Variants in ELMO1 observed in about 807,000 individuals in gnomAD.
ELMO1 encodes engulfment and cell motility protein 1.
ELMO1 carries 26 observed loss-of-function variants against 98.9 expected under a neutral mutation model. The observed-to-expected ratio is 0.26, with a 90% CI of 0.19 to 0.36. ELMO1 has a LOEUF of 0.36. Among genes scored for constraint, ELMO1 ranks in the 10% least tolerant of loss-of-function variants. The pLI, the probability that ELMO1 is intolerant of heterozygous loss-of-function variation, is 1.00. For synonymous variants in ELMO1, 346 were observed against 346.0 expected, an observed-to-expected ratio of 1.00 and a Z score of 0.00; for missense variants, 627 against 935.2, an observed-to-expected ratio of 0.67 and a Z score of 4.30.
intron 19 of ELMO1, among the ~76,000 whole-genome samples, chr7:36,875,606 T>A (rs1171606644): frequency 6.6e-6 from 1 of 152,240 alleles, no homozygotes; most frequent in African/African-American, 2.4e-5. Flanking sequence ...CCTTGCTCAG[T>A]GGCCACTGCG....
chr7:37,356,100 A>G (rs1368875310), intron 1 of ELMO1, among the ~76,000 whole-genome samples: 2 of 152,174 alleles, frequency 1.3e-5, no homozygotes, highest in Admixed American at 6.5e-5. Context: ...TCTGACCTCT[A>G]CTGCTCTCCT....
chr7:37,196,373 C>A (rs1365780123), intron 13 of ELMO1, among the ~76,000 whole-genome samples: 1 of 152,214 alleles, frequency 6.6e-6, no homozygotes, highest in Non-Finnish European at 1.5e-5. Context: ...ACTGGAAGCA[C>A]AATTTTGCTT....
chr7:37,115,273 C>T (rs1469691121), intron 14 of ELMO1, among the ~76,000 whole-genome samples: 1 of 152,016 alleles, frequency 6.6e-6, no homozygotes, highest in Non-Finnish European at 1.5e-5. Flanking sequence ...TACCCTAATA[C>T]CAAAACCAAA....
intron 16 of ELMO1, among the ~76,000 whole-genome samples, chr7:36,996,168 A>T (rs888604114): frequency 2.0e-5 from 3 of 152,128 alleles, no homozygotes; most frequent in African/African-American, 7.2e-5. Context: ...AAATAGCTTA[A>T]TTTTTTTCAT....
intron 13 of ELMO1, among the ~76,000 whole-genome samples, chr7:37,169,456 C>G (rs1456590940): frequency 6.6e-6 from 1 of 152,122 alleles, no homozygotes; most frequent in African/African-American, 2.4e-5. Context: ...AGCTGTAGAC[C>G]AGAGCTGTTC....
At chr7:37,149,739 C>T (rs570740990) in intron 13 of ELMO1, among the ~76,000 whole-genome samples, 1 of 152,232 alleles carries the variant, frequency 6.6e-6, no homozygotes, top group East Asian at 1.9e-4. Flanking sequence ...TTTGATCCTC[C>T]CAGCGACCCA....
intron 14 of ELMO1, among the ~76,000 whole-genome samples, chr7:37,117,994 C>T (rs1332457664): frequency 2.0e-5 from 3 of 152,088 alleles, no homozygotes; most frequent in Non-Finnish European, 2.9e-5. Flanking sequence ...ATTTCAGGGA[C>T]GAGAGAAGGG....
At chr7:37,426,901 T>C (rs993038084) in intron 1 of ELMO1, among the ~76,000 whole-genome samples, 14 of 152,086 alleles carry the variant, frequency 9.2e-5, no homozygotes, top group African/African-American at 3.4e-4. Flanking sequence ...ACTATTTAAA[T>C]ATTCCCTAAA....
chr7:36,974,170 GT>G (rs1225497701), intron 16 of ELMO1, among the ~76,000 whole-genome samples: 1 of 152,260 alleles, frequency 6.6e-6, no homozygotes, highest in East Asian at 1.9e-4. Flanking sequence ...CAGCCCCGGT[GT>G]GGTATCCACT....
Position 36,861,663 on chromosome 7 carries a change from T to A in ELMO1, c.1979A>T (p.His660Leu). 3.7e-6 allele frequency: 6 copies of A among 1,612,670 alleles called. No homozygotes were observed. Among genetic ancestry groups the A allele is most frequent in the Admixed American group, 1.7e-5 (1 of 59,794 alleles). The change falls in exon 21 of 22, where the codon CAT becomes CTT. Residue 660 changes from histidine (H) to leucine (L), a missense_variant. His to Leu is a moderately conservative substitution (Grantham distance 99). This residue lies in a region of ELMO1 where 492 missense variants were observed against 715.6 expected (regional missense o/e 0.69). Transcript: ENST00000310758. ...CQLNFIAPDK[H>L]EYCIWTDGLN... ...TATCACCCCCGAGACCCTTACCTCA[T>A]GCTTGTCAGGAGCGATGAAGTTCAG... is the stretch of plus-strand genomic sequence containing the variant.
At chr7:37,347,082 AG>A (rs991400687) in intron 1 of ELMO1, among the ~76,000 whole-genome samples, 1 of 152,182 alleles carries the variant, frequency 6.6e-6, no homozygotes, top group African/African-American at 2.4e-5. Flanking sequence ...AGAGAAAGGG[AG>A]GGGGGCATAG....
chr7:37,072,631 C>A (rs1797341193), intron 15 of ELMO1, among the ~76,000 whole-genome samples: 1 of 152,118 alleles, frequency 6.6e-6, no homozygotes, highest in Non-Finnish European at 1.5e-5. Context: ...CATACACATC[C>A]CAAATGAGGA....
At chr7:37,381,614 A>T (rs989097031) in intron 1 of ELMO1, among the ~76,000 whole-genome samples, 4 of 152,232 alleles carry the variant, frequency 2.6e-5, no homozygotes, top group Non-Finnish European at 2.9e-5. Context: ...ATAAATGTAA[A>T]CTTATGGAAA....
chr7:37,183,503 G>A (rs185931246), intron 13 of ELMO1, among the ~76,000 whole-genome samples: 10 of 152,230 alleles, frequency 6.6e-5, no homozygotes, highest in African/African-American at 2.2e-4. Flanking sequence ...ACTTTTATCA[G>A]GGGAAGAGAT....
chr7:37,083,466 C>T (rs866814917), intron 15 of ELMO1, among the ~76,000 whole-genome samples: 1 of 152,222 alleles, frequency 6.6e-6, no homozygotes, highest in East Asian at 1.9e-4. Context: ...AAGTCATTCT[C>T]CTTACTCACT....
chr7:37,145,015 T>C (rs80045507), intron 13 of ELMO1, among the ~76,000 whole-genome samples: 3,902 of 152,276 alleles, frequency 0.026, 156 homozygotes, highest in African/African-American at 0.089. Context: ...CTTCTTATTT[T>C]ATAGACAAAA....
chr7:37,340,806 C>CCTACACCCTGAGAG (rs1800672445), intron 2 of ELMO1, among the ~76,000 whole-genome samples: 1 of 152,162 alleles, frequency 6.6e-6, no homozygotes, highest in Admixed American at 6.5e-5. Context: ...ACTACACTAA[C>CCTACACCCTGAGAG]CTCACAGGTA....
In ELMO1 at chr7:37,437,959, G is replaced by A. The variant is rs1805218231; in HGVS notation, c.-74+10716C>T. Among the ~76,000 whole-genome samples the A allele has an allele frequency of 4.3e-4, 4 of 9,384 alleles. 2 individuals are homozygous for A. In the South Asian group the frequency reaches 0.012, roughly 29 times the overall value. The allele number at this position is 9,384 out of a possible 152,430, so 6.2% of individuals were successfully genotyped here. A position where few individuals can be genotyped will look rare whatever the true frequency, so the allele number is the denominator to read the frequency against. ...CTGCAGTCCGCAGTCCGGCCTGGGC[G>A]ACAGAGCGAGACTCCGTCTCAAAAA... is the stretch of plus-strand genomic sequence containing the variant. On this transcript the variant is annotated intron_variant, in intron 1 of 21. Coordinates refer to ENST00000310758, the MANE Select transcript of ELMO1 (RefSeq NM_014800.11).
intron 13 of ELMO1, among the ~76,000 whole-genome samples, chr7:37,147,192 T>C (rs893765476): frequency 2.0e-5 from 3 of 152,210 alleles, no homozygotes; most frequent in African/African-American, 7.2e-5. Context: ...TCATTAAAAT[T>C]TGATTCTTTA....
Sources: allele counts gnomAD v4.1 joint callset (sites outside exome capture counted in the v4.1 genomes callset), GRCh38; gene constraint gnomAD v4.1.1; regional missense constraint gnomAD v4.1.1; transcripts MANE v1.5; gene names NCBI Gene and HGNC (gene_info 2026-07-23, HGNC 2026-07-21).